Variants in ADAMTS17 observed in about 807,000 individuals in gnomAD.
ADAMTS17 encodes the protein A disintegrin and metalloproteinase with thrombospondin motifs 17.
Under a neutral mutation model 141.5 loss-of-function variants are expected in ADAMTS17, and 113 were observed. The ratio of observed to expected loss-of-function variants is 0.80; its 90% CI spans 0.69 to 0.93. ADAMTS17 has a LOEUF of 0.93. Among genes scored for constraint, ADAMTS17 ranks in the 40% least tolerant of loss-of-function variants. The pLI is 0.00. For missense variants in ADAMTS17, 1,659 were observed against 1,517.9 expected (o/e 1.09, Z -1.54); for synonymous variants, 768 against 630.6 (o/e 1.22, Z -3.27).
At chr15:100,134,873 C>T (rs1217754562) in intron 10 of ADAMTS17, among the ~76,000 whole-genome samples, 1 of 152,190 alleles carries the variant, frequency 6.6e-6, no homozygotes, top group South Asian at 2.1e-4. Flanking sequence ...TGATTGTTCA[C>T]CCCTCAAAGG....
chr15:100,260,889 G>A (rs1458650405), intron 6 of ADAMTS17, among the ~76,000 whole-genome samples: 2 of 152,150 alleles, frequency 1.3e-5, no homozygotes, highest in African/African-American at 2.4e-5. Flanking sequence ...GAATATTTCT[G>A]TGTATTTTAT....
intron 18 of ADAMTS17, among the ~76,000 whole-genome samples, chr15:100,025,210 C>A (rs1262241021): frequency 6.6e-6 from 1 of 152,098 alleles, no homozygotes; most frequent in Non-Finnish European, 1.5e-5. Context: ...AGTTTCCTTG[C>A]CACATTTAAT....
chr15:100,203,759 C>G (rs760754981), intron 7 of ADAMTS17, among the ~76,000 whole-genome samples: 9 of 151,994 alleles, frequency 5.9e-5, no homozygotes, highest in Non-Finnish European at 1.0e-4. Context: ...ATTAGCCAGG[C>G]ATGGTGGCAG....
chr15:99,997,368 C>T lies in ADAMTS17; in HGVS notation c.2796+17G>A, dbSNP rs762081124. 7.4e-6 allele frequency: 12 copies of T among 1,613,352 alleles called. No individual in the cohort carries two copies. In the East Asian group the frequency reaches 1.8e-4, roughly 24 times the overall value. On this transcript the variant is annotated intron_variant, in intron 19 of 21. Transcript: ENST00000268070. This position sits in a 1 kb window ranked among gnomAD's most constrained non-coding sequence, Gnocchi z 4.7. ...AGTCCCTGTGGCTGAGTCCTGGTGG[C>T]AAGCCCAGGCACCCACCTGTGACCA...
At chr15:100,205,742 G>A (rs571987929) in intron 7 of ADAMTS17, among the ~76,000 whole-genome samples, 66 of 152,300 alleles carry the variant, frequency 4.3e-4, no homozygotes, top group African/African-American at 1.5e-3. Flanking sequence ...GCCTTGCGCC[G>A]GGCAGAGTCT....
intron 12 of ADAMTS17, among the ~76,000 whole-genome samples, chr15:100,131,787 C>G (rs777627152): frequency 3.3e-5 from 5 of 152,200 alleles, no homozygotes; most frequent in Non-Finnish European, 5.9e-5. Flanking sequence ...TCAGCTCACC[C>G]CAGACTCTAC....
At chr15:100,250,444 C>G (rs1365742682) in intron 7 of ADAMTS17, among the ~76,000 whole-genome samples, 1 of 152,098 alleles carries the variant, frequency 6.6e-6, no homozygotes, top group Non-Finnish European at 1.5e-5. Flanking sequence ...GATTATTTTT[C>G]CATTCTGCGC....
chr15:100,056,037 T>C (rs1417948689), intron 15 of ADAMTS17, among the ~76,000 whole-genome samples: 2 of 152,222 alleles, frequency 1.3e-5, no homozygotes, highest in Non-Finnish European at 1.5e-5. Context: ...AATGCTGAAA[T>C]GTGCAAAGGT....
intron 3 of ADAMTS17, among the ~76,000 whole-genome samples, chr15:100,293,767 A>G (rs1163319715): frequency 1.3e-5 from 2 of 152,228 alleles, no homozygotes; most frequent in Non-Finnish European, 2.9e-5. Context: ...CTTTGGACCT[A>G]TCCCAACACC....
At chr15:100,233,821 G>A (rs890795306) in intron 7 of ADAMTS17, among the ~76,000 whole-genome samples, 2 of 151,972 alleles carry the variant, frequency 1.3e-5, no homozygotes, top group Non-Finnish European at 2.9e-5. Flanking sequence ...AGATGGAGGC[G>A]AGCCTGGCAA....
At chr15:100,229,985 C>G (rs1428429279) in intron 7 of ADAMTS17, among the ~76,000 whole-genome samples, 1 of 152,132 alleles carries the variant, frequency 6.6e-6, no homozygotes, top group Non-Finnish European at 1.5e-5. Context: ...GGAGGATGCA[C>G]CCACAGCACA....
chr15:100,207,435 C>T (rs913866566), intron 7 of ADAMTS17, among the ~76,000 whole-genome samples: 3 of 152,166 alleles, frequency 2.0e-5, no homozygotes, highest in Admixed American at 1.3e-4. Flanking sequence ...CCAGAGTGCA[C>T]CCTGGGTCCC....
intron 12 of ADAMTS17, 148 bp downstream of exon 12, chr15:100,131,859 C>T: frequency 1.7e-6 from 2 of 1,198,630 alleles, no homozygotes; most frequent in Non-Finnish European, 2.4e-6. Context: ...ACACGAGGTC[C>T]CTGCACCCTG....
At chr15:100,314,235 TG>T (rs1348918436) in intron 3 of ADAMTS17, among the ~76,000 whole-genome samples, 1 of 152,328 alleles carries the variant, frequency 6.6e-6, no homozygotes, top group African/African-American at 2.4e-5. Context: ...AAATGCAATA[TG>T]TGAGTCTAGA....
At chr15:100,029,352 T>C (rs2029904155) in intron 18 of ADAMTS17, among the ~76,000 whole-genome samples, 1 of 152,244 alleles carries the variant, frequency 6.6e-6, no homozygotes, top group African/African-American at 2.4e-5. Flanking sequence ...TGTGGCAAAC[T>C]GCAAAACAAA....
At position 100,141,905 on chromosome 15, in the gene ADAMTS17, G is replaced by C. The variant is rs139481928; in HGVS notation, c.1474-8590C>G. ...GGACAGCTTTCAGCCTGGCATGCAA[G>C]TCCACGCACTACCGTACAGCCCTGA... is the stretch of plus-strand genomic sequence containing the variant. On this transcript the variant is annotated intron_variant, in intron 10 of 21. Transcript: ENST00000268070. Among the ~76,000 whole-genome samples the C allele has an allele frequency of 4.9e-3, 752 of 152,352 alleles. 5 individuals are homozygous for C. The highest frequency in any genetic ancestry group is 0.02 in the Middle Eastern group (6 of 294).
intron 15 of ADAMTS17, among the ~76,000 whole-genome samples, chr15:100,085,306 A>G (rs2035025596): frequency 6.7e-6 from 1 of 149,912 alleles, no homozygotes; most frequent in African/African-American, 2.5e-5. Flanking sequence ...AAGAATACAA[A>G]GAAACGAACA....
chr15:100,058,182 TAACACCCC>T (rs2032766363), intron 15 of ADAMTS17, among the ~76,000 whole-genome samples: 3 of 43,496 alleles, frequency 6.9e-5, no homozygotes, highest in Non-Finnish European at 1.3e-4. Context: ...ATCCCGGCTC[TAACACCCC>T]TATCCCAGCT....
chr15:100,208,017 A>G (rs2041645705), intron 7 of ADAMTS17, among the ~76,000 whole-genome samples: 1 of 152,192 alleles, frequency 6.6e-6, no homozygotes, highest in Non-Finnish European at 1.5e-5. Context: ...ATCGGAGGCT[A>G]AAATCATCTC....
Sources: allele counts gnomAD v4.1 joint callset (sites outside exome capture counted in the v4.1 genomes callset), GRCh38; gene constraint gnomAD v4.1.1; non-coding constraint Gnocchi (gnomAD v3.1); transcripts MANE v1.5; gene names NCBI Gene and HGNC (gene_info 2026-07-23, HGNC 2026-07-21).